Variants in UGT2B4 observed in about 807,000 individuals in gnomAD.
The protein encoded by UGT2B4 is UDP glucuronosyltransferase family 2 member B4, also known as UDP-glucuronosyltransferase 2B4.
UGT2B4 carries 49 observed loss-of-function variants against 49.8 expected under a neutral mutation model. The observed-to-expected ratio is 0.98, with a 90% CI of 0.78 to 1.25. The LOEUF (loss-of-function observed/expected upper bound fraction) is 1.25, where lower values mean the gene tolerates loss of function less well. Ranked by LOEUF, UGT2B4 falls within the 50% of genes most tolerant of loss-of-function variation. The pLI is 0.00. For synonymous variants in UGT2B4, 246 were observed against 217.7 expected (o/e 1.13, Z -1.14); for missense variants, 729 against 627.7 (o/e 1.16, Z -1.73).
intron 4 of UGT2B4, among the ~76,000 whole-genome samples, chr4:69,485,719 AAGGGATG>A (rs1727762171): frequency 6.6e-6 from 1 of 152,148 alleles, no homozygotes; most frequent in Non-Finnish European, 1.5e-5. Context: ...AAGCACAGAA[AAGGGATG>A]GACATGAAAG....
chr4:69,508,765 T>C (rs1311890050), intron 1 of UGT2B4, among the ~76,000 whole-genome samples: 6 of 152,248 alleles, frequency 3.9e-5, no homozygotes, highest in African/African-American at 1.4e-4. Context: ...CTAGGCTTAA[T>C]ACCCGGCTGA....
chr4:69,480,186 C>T lies in UGT2B4; in HGVS notation c.*448G>A, dbSNP rs1131878. 107,079 of 154,614 alleles carry T rather than the reference C, an allele frequency of 0.69. 37,381 individuals carry two copies. The highest frequency in any genetic ancestry group is 0.9 in the East Asian group (4,714 of 5,252). 9.6% of individuals were successfully genotyped at this position (154,614 alleles called of 1,614,324 possible). ...TCTATACAATTTAATTATTTATTAGCTTCCTCAACAACAGTTAAAACAACA... is the reference window on the plus strand; with the variant it reads ...TCTATACAATTTAATTATTTATTAGTTTCCTCAACAACAGTTAAAACAACA... On this transcript the variant is annotated 3_prime_UTR_variant, in exon 6 of 6. Transcript: ENST00000305107.
chr4:69,484,855 T>A (rs975057335), intron 5 of UGT2B4, among the ~76,000 whole-genome samples: 3 of 152,184 alleles, frequency 2.0e-5, no homozygotes, highest in Non-Finnish European at 2.9e-5. Flanking sequence ...AGATATACTT[T>A]GAGACATTTT....
rs756848857 is a variant in UGT2B4 at position 69,495,546 on chromosome 4, A to T, written c.316T>A (p.Trp106Arg). 3.1e-6 allele frequency: 5 copies of T among 1,613,388 alleles called. No homozygotes were observed. The East Asian group carries it at 1.1e-4, about 36-fold the overall frequency. The change falls in exon 1 of 6, where the codon TGG (tryptophan) becomes AGG (arginine). Residue 106 changes from tryptophan to arginine, a missense_variant. Trp to Arg is a moderately radical substitution (Grantham distance 101, BLOSUM62 -3). Transcript: ENST00000305107. ...RWAELPKDTF[W>R]SYFSQVQEIM... Reference sequence around the variant, plus strand: ...TCTTGTACTTGTGAAAAATATGACCAAAATGTGTCTTTTGGAAGTTCTGCC... The same window carrying T: ...TCTTGTACTTGTGAAAAATATGACCTAAATGTGTCTTTTGGAAGTTCTGCC...
chr4:69,486,306 G>C (rs776762157), intron 4 of UGT2B4, among the ~76,000 whole-genome samples: 32 of 152,022 alleles, frequency 2.1e-4, no homozygotes, highest in Non-Finnish European at 4.1e-4. Context: ...GGAAAGAACA[G>C]GTGTAAAGTT....
At chr4:69,494,363 C>A (rs957150755) in intron 1 of UGT2B4, among the ~76,000 whole-genome samples, 5 of 152,028 alleles carry the variant, frequency 3.3e-5, no homozygotes, top group Non-Finnish European at 7.4e-5. Flanking sequence ...GTCATGCTAA[C>A]CTCATAATAA....
intron 4 of UGT2B4, among the ~76,000 whole-genome samples, chr4:69,486,303 AC>A (rs1194699551): frequency 6.6e-6 from 1 of 152,172 alleles, no homozygotes; most frequent in Non-Finnish European, 1.5e-5. Context: ...GGAGGAAAGA[AC>A]AGGTGTAAAG....
At chr4:69,486,523 T>A (rs1436032605) in intron 4 of UGT2B4, 86 bp downstream of exon 4, 11 of 875,614 alleles carry the variant, frequency 1.3e-5, no homozygotes, top group Non-Finnish European at 1.8e-5. Context: ...CCATAACAAA[T>A]GTTCAGTAAG....
intron 2 of UGT2B4, among the ~76,000 whole-genome samples, chr4:69,489,869 T>C (rs557669736): frequency 2.0e-5 from 3 of 152,240 alleles, no homozygotes; most frequent in East Asian, 3.9e-4. Context: ...TCTTCACTTA[T>C]CATATTATAA....
intron 5 of UGT2B4, 114 bp downstream of exon 5, chr4:69,485,086 TTGTTTAAA>T: frequency 1.6e-6 from 2 of 1,216,148 alleles, no homozygotes; most frequent in Non-Finnish European, 2.3e-6. Context: ...AGATTTCAGA[TTGTTTAAA>T]TCACTTAAAT....
upstream of UGT2B4, among the ~76,000 whole-genome samples, chr4:69,499,748 T>A (rs1476549320): frequency 2.6e-5 from 4 of 152,172 alleles, no homozygotes; most frequent in Non-Finnish European, 5.9e-5. Flanking sequence ...TTTGAGCCTA[T>A]GTGTGTCTTT....
At chr4:69,523,123 T>G (rs1282984563) in intron 1 of UGT2B4, among the ~76,000 whole-genome samples, 1 of 152,184 alleles carries the variant, frequency 6.6e-6, no homozygotes, top group Non-Finnish European at 1.5e-5. Context: ...AAGTCATTCA[T>G]AGGAATTGTA....
At chr4:69,501,800 T>C (rs913703912) in intron 1 of UGT2B4, among the ~76,000 whole-genome samples, 1 of 151,936 alleles carries the variant, frequency 6.6e-6, no homozygotes, top group Non-Finnish European at 1.5e-5. Flanking sequence ...CAGGGGCTGA[T>C]ATGTACCCCC....
At chr4:69,510,996 T>C (rs1728590887) in intron 1 of UGT2B4, among the ~76,000 whole-genome samples, 1 of 146,760 alleles carries the variant, frequency 6.8e-6, no homozygotes, top group Non-Finnish European at 1.5e-5. Flanking sequence ...TCTTCTTTTT[T>C]TTTTTTTTTT....
At chr4:69,519,736 TGA>T (rs1270935796) in intron 1 of UGT2B4, among the ~76,000 whole-genome samples, 3 of 152,232 alleles carry the variant, frequency 2.0e-5, no homozygotes, top group African/African-American at 7.2e-5. Flanking sequence ...CAATGTAAAT[TGA>T]GAGTTAATCT....
chr4:69,492,949 A>G (rs1479065008), intron 2 of UGT2B4, among the ~76,000 whole-genome samples: 2 of 152,068 alleles, frequency 1.3e-5, no homozygotes, highest in African/African-American at 2.4e-5. Context: ...AAAAACTATA[A>G]TCTTATCCCA....
rs1728847293 is a variant in UGT2B4, at chr4:69,521,437, C to T, written c.-106+4250G>A. On this transcript the variant is annotated intron_variant, in intron 1 of 1. Coordinates refer to the UGT2B4 transcript ENST00000510114. ...CCCCTCATCCAGATGTGGGTGACTG[C>T]AGCAGAAGCTGTGTGCAGTACGTCT... Among the ~76,000 whole-genome samples, 4 of 152,174 alleles carry T rather than the reference C, an allele frequency of 2.6e-5. No homozygotes were observed. In the South Asian group the frequency reaches 8.3e-4, roughly 31 times the overall value.
intron 1 of UGT2B4, among the ~76,000 whole-genome samples, chr4:69,501,946 G>A (rs185478314): frequency 2.0e-4 from 30 of 152,248 alleles, no homozygotes; most frequent in African/African-American, 7.2e-4. Context: ...GCAGAGATCT[G>A]TGGGAGAAGC....
At position 69,486,588 on chromosome 4, in the gene UGT2B4, AT is replaced by A. The variant is rs754898096; in HGVS notation, c.1090+20del. ...ATAATCTGTTACTAATATATTCAGT[AT>A]TTGTTCTTCAGAGACTTACCAAGAA... On this transcript the variant is annotated intron_variant, in intron 4 of 5. Transcript: ENST00000305107. 1.3e-6 allele frequency: 2 copies of A among 1,516,670 alleles called. No individual in the cohort carries two copies. Among genetic ancestry groups the A allele is most frequent in the Admixed American group, 2.0e-5 (1 of 50,632 alleles). The allele number at this position is 1,516,670 out of a possible 1,614,324, so 94.0% of individuals were successfully genotyped here. A position where few individuals can be genotyped will look rare whatever the true frequency, so the allele number is the denominator to read the frequency against.
Sources: allele counts gnomAD v4.1 joint callset (sites outside exome capture counted in the v4.1 genomes callset), GRCh38; gene constraint gnomAD v4.1.1; transcripts MANE v1.5; gene names NCBI Gene and HGNC (gene_info 2026-07-23, HGNC 2026-07-21).